PID1: variants seen among roughly 807,000 people sequenced by gnomAD.
PID1 encodes PTB-containing, cubilin and LRP1-interacting protein.
In PID1, 10 loss-of-function variants were observed where a neutral mutation model predicts 19.1. The ratio of observed to expected loss-of-function variants is 0.52; its 90% CI spans 0.32 to 0.89. The LOEUF is 0.89. Among genes scored for constraint, PID1 ranks in the 40% least tolerant of loss-of-function variants. The probability of loss-of-function intolerance (pLI) is 0.03; values close to 1 mark genes in which losing one functional copy is unlikely to be tolerated. For missense variants in PID1, 248 were observed against 285.3 expected (o/e 0.87, Z 0.94); for synonymous variants, 130 against 116.0 (o/e 1.12, Z -0.78).
intron 1 of PID1, among the ~76,000 whole-genome samples, chr2:229,222,273 G>A (rs367974060): frequency 4.6e-5 from 7 of 152,096 alleles, no homozygotes; most frequent in South Asian, 2.1e-4. Flanking sequence ...CCATGTGTTC[G>A]CGGGTCTACA....
Position 229,206,065 on chromosome 2 carries a change from T to A in PID1, c.31-50101A>T, listed in dbSNP as rs551138333. Reference sequence around the variant, plus strand: ...ATTATCTGGCTGATGCAGAAATAGATCCTGTGTGCTTTGGGTGAAATGTAG... The same window carrying A: ...ATTATCTGGCTGATGCAGAAATAGAACCTGTGTGCTTTGGGTGAAATGTAG... On this transcript the variant is annotated intron_variant, in intron 1 of 2. Coordinates refer to ENST00000392055, the MANE Select transcript of PID1 (RefSeq NM_001100818.2). Among the ~76,000 whole-genome samples, 4 of 152,098 alleles carry A rather than the reference T, an allele frequency of 2.6e-5. No individual in the cohort carries two copies. In the East Asian group the frequency reaches 7.7e-4, roughly 29 times the overall value.
chr2:229,099,781 A>G (rs908175083), intron 2 of PID1, among the ~76,000 whole-genome samples: 15 of 152,242 alleles, frequency 9.9e-5, no homozygotes, highest in African/African-American at 3.4e-4. Context: ...GGAAAACCTC[A>G]TTGATTTCAC....
chr2:229,058,765 T>C (rs947544990), intron 2 of PID1, among the ~76,000 whole-genome samples: 3 of 142,202 alleles, frequency 2.1e-5, no homozygotes, highest in African/African-American at 7.7e-5. Flanking sequence ...GAGGGCAAAG[T>C]CAGAATCTAT....
At chr2:229,077,041 A>G (rs1235985977) in intron 2 of PID1, among the ~76,000 whole-genome samples, 1 of 152,202 alleles carries the variant, frequency 6.6e-6, no homozygotes, top group East Asian at 1.9e-4. Flanking sequence ...ATTTCTCCAC[A>G]TCCTCTCCAG....
chr2:229,083,245 T>C (rs113442531), intron 2 of PID1, among the ~76,000 whole-genome samples: 13 of 152,322 alleles, frequency 8.5e-5, no homozygotes, highest in African/African-American at 2.9e-4. Context: ...TGATCATTCA[T>C]TCATTCAATC....
intron 1 of PID1, among the ~76,000 whole-genome samples, chr2:229,245,801 A>T (rs1043463149): frequency 1.3e-5 from 2 of 152,176 alleles, no homozygotes; most frequent in African/African-American, 4.8e-5. Flanking sequence ...AGTTATAAAG[A>T]CAGTACTTAG....
intron 1 of PID1, among the ~76,000 whole-genome samples, chr2:229,210,036 A>G (rs1354521416): frequency 1.3e-5 from 2 of 152,076 alleles, no homozygotes; most frequent in Admixed American, 1.3e-4. Flanking sequence ...CAAGGTCATT[A>G]CTTTTTATAA....
At chr2:229,105,498 G>T (rs1695158692) in intron 2 of PID1, among the ~76,000 whole-genome samples, 1 of 152,182 alleles carries the variant, frequency 6.6e-6, no homozygotes. Context: ...TAAATGGGTG[G>T]GGCTAGGGGC....
intron 1 of PID1, among the ~76,000 whole-genome samples, chr2:229,254,168 A>G (rs1690228991): frequency 6.6e-6 from 1 of 152,156 alleles, no homozygotes; most frequent in Non-Finnish European, 1.5e-5. Flanking sequence ...ACAACAACAA[A>G]AAAACCTCCA....
intron 2 of PID1, among the ~76,000 whole-genome samples, chr2:229,028,067 G>A (rs6436823): frequency 0.12 from 17,912 of 152,146 alleles, 1,176 homozygotes; most frequent in African/African-American, 0.16. Context: ...CAGAGGCAGT[G>A]GGAAAGGACA....
intron 2 of PID1, among the ~76,000 whole-genome samples, chr2:229,153,004 C>T (rs554166526): frequency 3.3e-5 from 5 of 152,228 alleles, no homozygotes; most frequent in East Asian, 1.9e-4. Flanking sequence ...GGCGTGAGCC[C>T]GAGAGAGCGT....
At chr2:229,148,133 T>A (rs1220786331) in intron 2 of PID1, among the ~76,000 whole-genome samples, 1 of 152,172 alleles carries the variant, frequency 6.6e-6, no homozygotes, top group East Asian at 1.9e-4. Flanking sequence ...TAATTCCTAG[T>A]ATGAAAAGAT....
At chr2:229,248,935 C>T (rs1429961784) in intron 1 of PID1, among the ~76,000 whole-genome samples, 2 of 152,112 alleles carry the variant, frequency 1.3e-5, no homozygotes, top group Non-Finnish European at 2.9e-5. Context: ...TCTTAGAGAC[C>T]TCTGGCTTTC....
At chr2:229,051,712 A>G (rs533432625) in intron 2 of PID1, among the ~76,000 whole-genome samples, 64 of 152,290 alleles carry the variant, frequency 4.2e-4, no homozygotes, top group African/African-American at 1.4e-3. Context: ...GTTGCAGGGA[A>G]CAAACTTAAT....
chr2:229,185,546 A>G (rs951840826), intron 1 of PID1, among the ~76,000 whole-genome samples: 2 of 152,188 alleles, frequency 1.3e-5, no homozygotes, highest in Non-Finnish European at 1.5e-5. Flanking sequence ...TCATGGGGGA[A>G]GGTAAAGAGG....
At chr2:229,168,309 T>C (rs901783214) in intron 1 of PID1, among the ~76,000 whole-genome samples, 2 of 152,156 alleles carry the variant, frequency 1.3e-5, no homozygotes, top group African/African-American at 4.8e-5. Context: ...TTTTAGACCA[T>C]TTTATAGTAT....
At chr2:229,239,828 T>C (rs1158058551) in intron 1 of PID1, among the ~76,000 whole-genome samples, 3 of 152,186 alleles carry the variant, frequency 2.0e-5, no homozygotes. Flanking sequence ...GTAACACTCA[T>C]GTATAAACTA....
intron 1 of PID1, among the ~76,000 whole-genome samples, chr2:229,158,769 C>T (rs1429128554): frequency 6.6e-6 from 1 of 152,018 alleles, no homozygotes; most frequent in East Asian, 1.9e-4. Flanking sequence ...GTAAAAACTG[C>T]CAAAAACAGT....
intron 2 of PID1, among the ~76,000 whole-genome samples, chr2:229,033,067 C>T (rs950264533): frequency 6.6e-6 from 1 of 152,156 alleles, no homozygotes. Context: ...GGTTGCCCGA[C>T]ATTTATCCTT....
Sources: gnomAD v4.1 joint callset for allele counts (sites outside exome capture counted in the v4.1 genomes callset) on GRCh38, gnomAD v4.1.1 for gene constraint, MANE v1.5 for transcripts, NCBI Gene and HGNC (gene_info 2026-07-23, HGNC 2026-07-21) for gene names.